Variants in PPP1R13B observed in about 807,000 individuals in gnomAD.
PPP1R13B encodes protein phosphatase 1 regulatory subunit 13B, also known as apoptosis-stimulating of p53 protein 1.
Under a neutral mutation model 119.8 loss-of-function variants are expected in PPP1R13B, and 44 were observed. The observed-to-expected ratio is 0.37, with a 90% CI of 0.29 to 0.47. The LOEUF is 0.47. Among genes scored for constraint, PPP1R13B ranks in the 20% least tolerant of loss-of-function variants. PPP1R13B has a pLI of 0.99. For missense variants in PPP1R13B, 1,227 were observed against 1,413.5 expected (o/e 0.87, Z 2.12); for synonymous variants, 542 against 561.5 (o/e 0.97, Z 0.49).
chr14:103,847,811 C>T (rs1388331146), upstream of PPP1R13B: 1 of 194,786 alleles, frequency 5.1e-6, no homozygotes, highest in Non-Finnish European at 9.3e-6. Context: ...GGTGGCCTCC[C>T]CCGCCCTTGC....
intron 1 of PPP1R13B, among the ~76,000 whole-genome samples, chr14:103,815,899 C>T (rs1043539569): frequency 2.6e-5 from 4 of 151,924 alleles, no homozygotes; most frequent in African/African-American, 7.2e-5. Context: ...CTGGCTAACA[C>T]GGTAAAACCC....
At chr14:103,836,676 AGG>A (rs1465899761) in intron 1 of PPP1R13B, among the ~76,000 whole-genome samples, 3 of 151,764 alleles carry the variant, frequency 2.0e-5, no homozygotes, top group African/African-American at 7.3e-5. Flanking sequence ...AGGCTGAGGC[AGG>A]AGAATCACTC....
At chr14:103,786,984 G>A (rs912119118) in intron 2 of PPP1R13B, among the ~76,000 whole-genome samples, 2 of 150,136 alleles carry the variant, frequency 1.3e-5, no homozygotes, top group Non-Finnish European at 2.9e-5. Flanking sequence ...CTGGGATTAC[G>A]GGCGTGAGCC....
rs184232383 is a variant in PPP1R13B, at chr14:103,792,884, T to A, written c.157+4487A>T. Among the ~76,000 whole-genome samples the A allele has an allele frequency of 3.0e-3, 460 of 151,784 alleles. 1 individual carries two copies. The highest frequency in any genetic ancestry group is 4.2e-3 in the Non-Finnish European group (284 of 67,936). ...AGGAGTTCGAGACCAGCCTGGCCAA[T>A]ATGGTGAAACCTCGTCTCTACTAAA... is the stretch of plus-strand genomic sequence containing the variant. On this transcript the variant is annotated intron_variant, in intron 2 of 16. Coordinates refer to ENST00000202556, the MANE Select transcript of PPP1R13B (RefSeq NM_015316.3).
chr14:103,847,163 C>T, intron 1 of PPP1R13B, 136 bp downstream of exon 1: 1 of 990,368 alleles, frequency 1.0e-6, no homozygotes, highest in Non-Finnish European at 1.2e-6. Context: ...CGGCCGGGCG[C>T]GCCCGCCCAG....
intron 4 of PPP1R13B, among the ~76,000 whole-genome samples, chr14:103,776,186 G>GAGGAAGGAAGGAAGGAAGGAAGGA (rs1307197386): frequency 2.2e-4 from 17 of 76,000 alleles, no homozygotes; most frequent in Admixed American, 4.6e-4. Context: ...GGGAGGGAGG[G>GAGGAAGGAAGGAAGGAAGGAAGGA]AGGAAGGAAG....
intron 1 of PPP1R13B, among the ~76,000 whole-genome samples, chr14:103,802,678 T>C (rs908193283): frequency 3.3e-5 from 5 of 152,192 alleles, no homozygotes; most frequent in Non-Finnish European, 5.9e-5. Context: ...TATGAATGCA[T>C]TGTCAGAATG....
intron 1 of PPP1R13B, among the ~76,000 whole-genome samples, chr14:103,813,290 G>A (rs765987042): frequency 2.8e-4 from 42 of 151,054 alleles, no homozygotes; most frequent in African/African-American, 9.0e-4. Context: ...CGTCCCCACC[G>A]TACTTTCTGC....
chr14:103,847,640 A>C (rs1295986454), upstream of PPP1R13B: 2 of 983,720 alleles, frequency 2.0e-6, no homozygotes, highest in African/African-American at 3.5e-5. Flanking sequence ...GACGCCCCGC[A>C]CGGGTCCCGT....
intron 2 of PPP1R13B, among the ~76,000 whole-genome samples, chr14:103,789,997 G>A (rs2085576322): frequency 6.6e-6 from 1 of 152,018 alleles, no homozygotes. Flanking sequence ...CATAATCCCA[G>A]CACTTTGGGA....
intron 1 of PPP1R13B, among the ~76,000 whole-genome samples, chr14:103,797,847 T>C (rs2085795928): frequency 6.6e-6 from 1 of 151,184 alleles, no homozygotes; most frequent in Non-Finnish European, 1.5e-5. Flanking sequence ...ATGAAAAAAA[T>C]GGCAAATGAT....
intron 1 of PPP1R13B, among the ~76,000 whole-genome samples, chr14:103,802,633 GC>G (rs1173969543): frequency 6.6e-6 from 1 of 152,156 alleles, no homozygotes; most frequent in African/African-American, 2.4e-5. Flanking sequence ...CAGAGGCACA[GC>G]TTGTGCTTAC....
intron 1 of PPP1R13B, among the ~76,000 whole-genome samples, chr14:103,821,611 C>T (rs755738855): frequency 6.6e-6 from 1 of 152,008 alleles, no homozygotes; most frequent in African/African-American, 2.4e-5. Context: ...ATTAGCCGGG[C>T]GTGGTGATGC....
At chr14:103,800,676 C>A (rs2085878887) in intron 1 of PPP1R13B, among the ~76,000 whole-genome samples, 2 of 150,436 alleles carry the variant, frequency 1.3e-5, no homozygotes, top group Non-Finnish European at 3.0e-5. Flanking sequence ...AAACAAAAAA[C>A]AAAAAAAAAG....
chr14:103,828,781 G>A (rs913399456), intron 1 of PPP1R13B, among the ~76,000 whole-genome samples: 1 of 152,210 alleles, frequency 6.6e-6, no homozygotes, highest in Non-Finnish European at 1.5e-5. Flanking sequence ...ATCAACGGCA[G>A]ATGAAAGCAG....
rs74088777 is a variant in PPP1R13B at position 103,813,744 on chromosome 14, G to A, written c.10-16226C>T. On this transcript the variant is annotated intron_variant, in intron 1 of 16. Transcript: ENST00000202556. ...GTGTTTTCTCCTGACATTTTGACAC[G>A]TATAGATACGTGTCTGAGTATTTAG... Among the ~76,000 whole-genome samples, 1,074 of 152,188 alleles carry A rather than the reference G, an allele frequency of 7.1e-3. 15 individuals carry two copies. The highest frequency in any genetic ancestry group is 0.024 in the African/African-American group (1,009 of 41,538).
chr14:103,845,443 C>T (rs1016007419), intron 1 of PPP1R13B, among the ~76,000 whole-genome samples: 2 of 152,058 alleles, frequency 1.3e-5, no homozygotes, highest in Non-Finnish European at 2.9e-5. Flanking sequence ...TAAACAAAAG[C>T]GGTGTTTTAA....
At chr14:103,780,918 T>A (rs1247677168) in intron 3 of PPP1R13B, among the ~76,000 whole-genome samples, 1 of 152,010 alleles carries the variant, frequency 6.6e-6, no homozygotes, top group Non-Finnish European at 1.5e-5. Context: ...AATAAGCTAC[T>A]CTCTATGCCA....
At chr14:103,810,333 A>G (rs1440791591) in intron 1 of PPP1R13B, among the ~76,000 whole-genome samples, 1 of 151,900 alleles carries the variant, frequency 6.6e-6, no homozygotes, top group Non-Finnish European at 1.5e-5. Flanking sequence ...GAGACAGGAG[A>G]ATCGTTTGAA....
Sources: gnomAD v4.1 joint callset for allele counts (sites outside exome capture counted in the v4.1 genomes callset) on GRCh38, gnomAD v4.1.1 for gene constraint, MANE v1.5 for transcripts, NCBI Gene and HGNC (gene_info 2026-07-23, HGNC 2026-07-21) for gene names.